Variants in SLC15A5 observed in about 807,000 individuals in gnomAD.
The protein encoded by SLC15A5 is solute carrier family 15 member 5.
SLC15A5 carries 58 observed loss-of-function variants against 56.1 expected under a neutral mutation model. That is an observed-to-expected ratio of 1.03 (90% confidence interval 0.84 to 1.29). The LOEUF (loss-of-function observed/expected upper bound fraction) is 1.29. Ranked by LOEUF, SLC15A5 falls within the 50% of genes most tolerant of loss-of-function variation. SLC15A5 has a pLI of 0.00. For missense variants in SLC15A5, 681 were observed against 672.1 expected (o/e 1.01, Z -0.15); for synonymous variants, 264 against 250.5 (o/e 1.05, Z -0.51).
At chr12:16,245,206 A>G (rs190814306) in intron 3 of SLC15A5, among the ~76,000 whole-genome samples, 2 of 152,334 alleles carry the variant, frequency 1.3e-5, no homozygotes, top group Admixed American at 6.5e-5. Flanking sequence ...AAATTATTAT[A>G]TAAATAATCC....
intron 3 of SLC15A5, 82 bp downstream of exon 3, chr12:16,257,619 G>T: frequency 1.8e-6 from 2 of 1,133,768 alleles, no homozygotes; most frequent in Non-Finnish European, 2.3e-6. Flanking sequence ...TGAAAGAGAA[G>T]TTATAAAGAA....
At chr12:16,221,245 A>C (rs751281756) in intron 6 of SLC15A5, among the ~76,000 whole-genome samples, 8 of 152,214 alleles carry the variant, frequency 5.3e-5, no homozygotes. Context: ...TGATGTCAGG[A>C]ATGTATATTC....
chr12:16,228,292 A>G (rs1864262092), intron 5 of SLC15A5, among the ~76,000 whole-genome samples: 1 of 152,360 alleles, frequency 6.6e-6, no homozygotes, highest in Non-Finnish European at 1.5e-5. Flanking sequence ...GACAGCAGAG[A>G]ATATCTAAGC....
intron 7 of SLC15A5, among the ~76,000 whole-genome samples, chr12:16,205,580 CATATATAT>C (rs754136034): frequency 0.011 from 475 of 43,116 alleles, 24 homozygotes; most frequent in African/African-American, 0.052. Flanking sequence ...GGGAAAGGTG[CATATATAT>C]ATACATATAC....
At chr12:16,210,048 T>A (rs1247986404) in intron 7 of SLC15A5, among the ~76,000 whole-genome samples, 2 of 152,172 alleles carry the variant, frequency 1.3e-5, no homozygotes, top group African/African-American at 4.8e-5. Flanking sequence ...TCATGCCATT[T>A]CCTCCTTTTT....
chr12:16,229,728 T>G (rs894994069), intron 5 of SLC15A5, among the ~76,000 whole-genome samples: 5 of 151,662 alleles, frequency 3.3e-5, no homozygotes, highest in African/African-American at 1.2e-4. Flanking sequence ...TTTAATATTT[T>G]AAGAGATAGA....
chr12:16,276,035 C>T (rs553359118), intron 1 of SLC15A5, among the ~76,000 whole-genome samples: 2 of 151,966 alleles, frequency 1.3e-5, no homozygotes, highest in African/African-American at 2.4e-5. Context: ...TTTCTCTCTC[C>T]CTGCACCAAA....
intron 3 of SLC15A5, among the ~76,000 whole-genome samples, chr12:16,246,560 G>T (rs1217157479): frequency 1.3e-5 from 2 of 152,132 alleles, no homozygotes; most frequent in Non-Finnish European, 2.9e-5. Flanking sequence ...TGGGTAGATA[G>T]TAGGGTTATT....
chr12:16,257,912 T>G, intron 2 of SLC15A5, 42 bp from the exon 3 acceptor site: 1 of 1,330,190 alleles, frequency 7.5e-7, no homozygotes, highest in East Asian at 2.9e-5. Context: ...ACCATTGAAT[T>G]GCTTTAGATA....
intron 8 of SLC15A5, among the ~76,000 whole-genome samples, chr12:16,193,634 TGACA>T (rs1006735800): frequency 6.6e-6 from 1 of 151,950 alleles, no homozygotes; most frequent in African/African-American, 2.4e-5. Context: ...TTCTGCTTCG[TGACA>T]GACATTGTGA....
In SLC15A5 at chr12:16,237,836, C is replaced by G. The variant is rs180696404; in HGVS notation, c.1162+1845G>C. 6.6e-6 allele frequency among the ~76,000 whole-genome samples: 1 copy of G among 152,232 alleles called. No homozygotes were observed. Among genetic ancestry groups the G allele is most frequent in the East Asian group, 1.9e-4 (1 of 5,178 alleles). On this transcript the variant is annotated intron_variant, in intron 5 of 8. Coordinates refer to ENST00000344941, the MANE Select transcript of SLC15A5 (RefSeq NM_001170798.1). The surrounding 1 kb of genome is among the most constrained non-coding windows in gnomAD (Gnocchi z 4.1). ...GGCATTTCACAATATGATTTTACTC[C>G]TATTTTGTCCTGCATGCATTATGTT... is the stretch of plus-strand genomic sequence containing the variant.
chr12:16,242,892 T>C (rs1189310362), intron 4 of SLC15A5, among the ~76,000 whole-genome samples: 2 of 152,212 alleles, frequency 1.3e-5, no homozygotes, highest in Non-Finnish European at 2.9e-5. Context: ...TTTTATTATA[T>C]TAATGCTTAC....
At chr12:16,274,722 G>T (rs1229666432) in intron 1 of SLC15A5, among the ~76,000 whole-genome samples, 2 of 152,068 alleles carry the variant, frequency 1.3e-5, no homozygotes, top group Non-Finnish European at 2.9e-5. Context: ...TAGACAAAGG[G>T]ATGTCCAAAG....
At chr12:16,218,824 T>C (rs1864157418) in intron 6 of SLC15A5, among the ~76,000 whole-genome samples, 1 of 152,152 alleles carries the variant, frequency 6.6e-6, no homozygotes, top group Non-Finnish European at 1.5e-5. Flanking sequence ...CCTGCTCCTC[T>C]CGGGAATATT....
intron 8 of SLC15A5, among the ~76,000 whole-genome samples, chr12:16,192,114 GT>G (rs1397580833): frequency 6.6e-6 from 1 of 152,058 alleles, no homozygotes; most frequent in East Asian, 1.9e-4. Context: ...TTGCACTTTA[GT>G]TTTTTGATTT....
At chr12:16,244,433 C>T (rs1435484489) in intron 4 of SLC15A5, 147 bp downstream of exon 4, 3 of 716,084 alleles carry the variant, frequency 4.2e-6, no homozygotes, top group Non-Finnish European at 4.7e-6. Context: ...GAAATCAGAG[C>T]CTGTAATGAT....
chr12:16,214,501 T>C (rs982156851), intron 7 of SLC15A5, among the ~76,000 whole-genome samples: 2 of 152,190 alleles, frequency 1.3e-5, no homozygotes, highest in Non-Finnish European at 2.9e-5. Context: ...GAGCCACATA[T>C]ACCAGCCCAA....
chr12:16,261,958 G>A (rs897327903), intron 2 of SLC15A5, among the ~76,000 whole-genome samples: 1 of 152,176 alleles, frequency 6.6e-6, no homozygotes, highest in Non-Finnish European at 1.5e-5. Flanking sequence ...TATTAAAAGT[G>A]TCTTTTGAAA....
chr12:16,197,683 C>T (rs1199628761), intron 7 of SLC15A5, among the ~76,000 whole-genome samples: 3 of 152,028 alleles, frequency 2.0e-5, no homozygotes, highest in Non-Finnish European at 4.4e-5. Context: ...GTAGCTCACA[C>T]ACCATCATGT....
Sources: gnomAD v4.1 joint callset for allele counts (sites outside exome capture counted in the v4.1 genomes callset) on GRCh38, gnomAD v4.1.1 for gene constraint, Gnocchi (gnomAD v3.1) non-coding constraint, MANE v1.5 for transcripts, NCBI Gene and HGNC (gene_info 2026-07-23, HGNC 2026-07-21) for gene names.